EPHA6: variants seen among roughly 807,000 people sequenced by gnomAD.
The protein encoded by EPHA6 is EPH receptor A6.
EPHA6 carries 50 observed loss-of-function variants against 112.0 expected under a neutral mutation model. That is an observed-to-expected ratio of 0.45 (90% CI 0.36 to 0.56). The LOEUF (loss-of-function observed/expected upper bound fraction) is 0.56. EPHA6 is among the 20% of genes least tolerant of loss of function. The pLI, the probability that EPHA6 is intolerant of heterozygous loss-of-function variation, is 0.00. For missense variants in EPHA6, 1,280 were observed against 1,417.4 expected, an observed-to-expected ratio of 0.90 and a Z score of 1.56; for synonymous variants, 529 against 490.7, an observed-to-expected ratio of 1.08 and a Z score of -1.03.
chr3:97,481,293 G>A, intron 9 of EPHA6: 2 of 1,535,460 alleles, frequency 1.3e-6, no homozygotes, highest in African/African-American at 1.4e-5. Context: ...TTCATAAAGA[G>A]TATCCGTCTT....
At chr3:97,658,627 G>T (rs973591230) in intron 14 of EPHA6, among the ~76,000 whole-genome samples, 6 of 151,826 alleles carry the variant, frequency 4.0e-5, no homozygotes, top group Admixed American at 1.3e-4. Context: ...ATACCTTACG[G>T]GAAATAGAAG....
chr3:96,958,648 G>A (rs1643890607), intron 2 of EPHA6, among the ~76,000 whole-genome samples: 2 of 152,078 alleles, frequency 1.3e-5, no homozygotes, highest in African/African-American at 4.8e-5. Context: ...CCCATCTCAA[G>A]AACTAGACAA....
At chr3:96,992,673 G>T (rs2043260124) in intron 3 of EPHA6, among the ~76,000 whole-genome samples, 1 of 151,802 alleles carries the variant, frequency 6.6e-6, no homozygotes. Context: ...TCAAGGAATT[G>T]TACATTTTGA....
At chr3:97,243,476 C>T (rs1024843974) in intron 4 of EPHA6, among the ~76,000 whole-genome samples, 4 of 151,622 alleles carry the variant, frequency 2.6e-5, no homozygotes, top group Non-Finnish European at 4.4e-5. Flanking sequence ...TAGTGATTTT[C>T]GGAGGTGATG....
chr3:97,462,416 G>GT lies in EPHA6; in HGVS notation c.1895-12935dup, dbSNP rs200147466. Reference sequence around the variant, plus strand: ...GGAAATAATTAAAAAGAAGAAGAATGTAATTCTGGCAAAAGACCTTTTGTA... The same window carrying GT: ...GGAAATAATTAAAAAGAAGAAGAATGTTAATTCTGGCAAAAGACCTTTTGTA... On this transcript the variant is annotated intron_variant, in intron 7 of 17. Coordinates refer to ENST00000389672, the MANE Select transcript of EPHA6 (RefSeq NM_001080448.3). Among the ~76,000 whole-genome samples, 879 of 152,202 alleles carry GT rather than the reference G, an allele frequency of 5.8e-3. 4 individuals are homozygous for GT. Among genetic ancestry groups the GT allele is most frequent in the Middle Eastern group, 0.01 (3 of 294 alleles).
intron 14 of EPHA6, among the ~76,000 whole-genome samples, chr3:97,650,399 T>G (rs757865733): frequency 3.3e-5 from 5 of 152,082 alleles, no homozygotes; most frequent in Non-Finnish European, 7.4e-5. Context: ...CATAAAGAAT[T>G]ATTTCCTGAA....
intron 2 of EPHA6, among the ~76,000 whole-genome samples, chr3:96,880,824 G>A (rs1022001774): frequency 1.3e-5 from 2 of 151,916 alleles, no homozygotes; most frequent in African/African-American, 4.8e-5. Flanking sequence ...ACTTAGCGTG[G>A]TTTTGTTTCA....
intron 11 of EPHA6, among the ~76,000 whole-genome samples, chr3:97,562,259 A>T (rs193099972): frequency 3.2e-4 from 49 of 152,284 alleles, no homozygotes; most frequent in Middle Eastern, 3.4e-3. Context: ...ATGGATCTGG[A>T]TAAAGTAAAT....
At chr3:97,337,307 C>G (rs2083101421) in intron 5 of EPHA6, among the ~76,000 whole-genome samples, 1 of 152,116 alleles carries the variant, frequency 6.6e-6, no homozygotes, top group Non-Finnish European at 1.5e-5. Context: ...TAGTAAATTA[C>G]ATATTTAAAG....
At chr3:97,689,242 T>C (rs1335306680) in intron 14 of EPHA6, among the ~76,000 whole-genome samples, 3 of 152,356 alleles carry the variant, frequency 2.0e-5, no homozygotes, top group East Asian at 1.9e-4. Flanking sequence ...ATCAGCCTAA[T>C]AATTTGTGTT....
intron 2 of EPHA6, among the ~76,000 whole-genome samples, chr3:96,983,178 C>T (rs899851522): frequency 4.6e-5 from 7 of 152,160 alleles, no homozygotes; most frequent in South Asian, 4.1e-4. Flanking sequence ...CATGTTTTTG[C>T]AGTGGCTGGT....
At chr3:97,225,577 A>T (rs991516929) in intron 3 of EPHA6, among the ~76,000 whole-genome samples, 2 of 152,128 alleles carry the variant, frequency 1.3e-5, no homozygotes, top group Non-Finnish European at 2.9e-5. Flanking sequence ...GTTATTGAAG[A>T]GACTATTGTA....
intron 3 of EPHA6, among the ~76,000 whole-genome samples, chr3:97,004,482 G>A (rs2043801123): frequency 6.6e-6 from 1 of 151,884 alleles, no homozygotes; most frequent in Non-Finnish European, 1.5e-5. Flanking sequence ...CTTTTTGATG[G>A]GGTTGTTTGT....
intron 7 of EPHA6, chr3:97,466,143 G>T: frequency 1.8e-6 from 1 of 565,890 alleles, no homozygotes; most frequent in South Asian, 1.7e-5. Flanking sequence ...GAAAAAGGTT[G>T]TTTTAGAAAG....
chr3:96,897,475 G>C (rs1377754159), intron 2 of EPHA6, among the ~76,000 whole-genome samples: 1 of 152,110 alleles, frequency 6.6e-6, no homozygotes, highest in African/African-American at 2.4e-5. Flanking sequence ...AATCATAAAT[G>C]TATCTTTATG....
At position 97,366,294 on chromosome 3, in the gene EPHA6, TTTAA is replaced by T. The variant is rs977730364; in HGVS notation, c.1607-38844_1607-38841del. On this transcript the variant is annotated intron_variant, in intron 5 of 17. Transcript: ENST00000389672. ...AAAAGCAATATGTTGGGTGGAACAC[TTTAA>T]TTAATTAATTACTTCAGCAAATATT... 5.3e-5 allele frequency among the ~76,000 whole-genome samples: 8 copies of T among 152,340 alleles called. No individual in the cohort carries two copies. In the South Asian group the frequency reaches 8.3e-4, roughly 16 times the overall value.
chr3:96,914,828 A>G (rs928156982), intron 2 of EPHA6, among the ~76,000 whole-genome samples: 2 of 152,036 alleles, frequency 1.3e-5, no homozygotes, highest in Non-Finnish European at 2.9e-5. Flanking sequence ...TGTTGAAGAA[A>G]ATAATCTACA....
chr3:97,626,724 T>A (rs1290102784), intron 13 of EPHA6, among the ~76,000 whole-genome samples: 1 of 151,800 alleles, frequency 6.6e-6, no homozygotes, highest in African/African-American at 2.4e-5. Flanking sequence ...TCATACCAGT[T>A]TGCAAGAGCT....
At chr3:96,900,651 A>G (rs1459864263) in intron 2 of EPHA6, among the ~76,000 whole-genome samples, 1 of 152,222 alleles carries the variant, frequency 6.6e-6, no homozygotes, top group East Asian at 1.9e-4. Context: ...GAAATCCCTT[A>G]TTATCTACAG....
Sources: gnomAD v4.1 joint callset for allele counts (sites outside exome capture counted in the v4.1 genomes callset) on GRCh38, gnomAD v4.1.1 for gene constraint, MANE v1.5 for transcripts, NCBI Gene and HGNC (gene_info 2026-07-23, HGNC 2026-07-21) for gene names.